Variants in ABCC4 observed in about 807,000 individuals in gnomAD.
The protein encoded by ABCC4 is ATP-binding cassette sub-family C member 4.
Under a neutral mutation model 168.5 loss-of-function variants are expected in ABCC4, and 102 were observed. The observed-to-expected ratio is 0.61, with a 90% CI of 0.52 to 0.71. The LOEUF is 0.71. ABCC4 is among the 30% of genes least tolerant of loss of function. ABCC4 has a pLI of 0.00. For missense variants in ABCC4, 1,402 were observed against 1,605.8 expected (o/e 0.87, Z 2.17); for synonymous variants, 617 against 590.7 (o/e 1.04, Z -0.65).
intron 26 of ABCC4, among the ~76,000 whole-genome samples, chr13:95,056,493 G>C (rs2033060843): frequency 6.6e-6 from 1 of 152,104 alleles, no homozygotes; most frequent in Non-Finnish European, 1.5e-5. Context: ...ATACAAAAAG[G>C]TCACCAGCTC....
chr13:95,263,081 T>C (rs1204298941), intron 1 of ABCC4, among the ~76,000 whole-genome samples: 1 of 152,190 alleles, frequency 6.6e-6, no homozygotes, highest in African/African-American at 2.4e-5. Context: ...TCAAGTGCAG[T>C]CTAGTGCATC....
intron 30 of ABCC4, among the ~76,000 whole-genome samples, chr13:95,025,307 A>AC (rs1325865446): frequency 3.9e-4 from 3 of 7,626 alleles, no homozygotes; most frequent in African/African-American, 7.4e-4. Context: ...ACATACGCCC[A>AC]CCCCCCACAC....
intron 19 of ABCC4, among the ~76,000 whole-genome samples, chr13:95,127,523 C>A (rs908372975): frequency 6.6e-6 from 1 of 152,158 alleles, no homozygotes; most frequent in Non-Finnish European, 1.5e-5. Context: ...AGTGATCCAC[C>A]CGCTTTGGCC....
chr13:95,192,924 CAAAT>C (rs1370483764), intron 9 of ABCC4, among the ~76,000 whole-genome samples: 1 of 151,992 alleles, frequency 6.6e-6, no homozygotes, highest in African/African-American at 2.4e-5. Context: ...GTCTCCAAAA[CAAAT>C]AAATAAATAA....
At chr13:95,243,821 G>C (rs566557843) in intron 3 of ABCC4, among the ~76,000 whole-genome samples, 1 of 151,936 alleles carries the variant, frequency 6.6e-6, no homozygotes, top group South Asian at 2.1e-4. Context: ...GGGAGATGGA[G>C]GTTGCAGTGA....
chr13:95,292,389 T>C (rs2041424832), intron 1 of ABCC4, among the ~76,000 whole-genome samples: 1 of 152,020 alleles, frequency 6.6e-6, no homozygotes, highest in Non-Finnish European at 1.5e-5. Context: ...AATGTGGCCA[T>C]GATAGCTGTC....
At chr13:95,054,136 C>A (rs1056592176) in intron 26 of ABCC4, among the ~76,000 whole-genome samples, 1 of 144,408 alleles carries the variant, frequency 6.9e-6, no homozygotes, top group Non-Finnish European at 1.5e-5. Flanking sequence ...GATTTTGCAT[C>A]AGTGAATCCC....
At chr13:95,144,353 G>A (rs1244217750) in intron 19 of ABCC4, among the ~76,000 whole-genome samples, 1 of 152,000 alleles carries the variant, frequency 6.6e-6, no homozygotes, top group Non-Finnish European at 1.5e-5. Context: ...GTAAGACAAG[G>A]AGGCCTACTC....
At chr13:95,209,696 C>T in intron 5 of ABCC4, 99 bp from the exon 6 acceptor site, 1 of 1,207,410 alleles carries the variant, frequency 8.3e-7, no homozygotes, top group East Asian at 2.6e-5. Context: ...CAGGCAAGAT[C>T]CTAAACAGAA....
intron 1 of ABCC4, chr13:95,266,166 T>A (rs1445951075): frequency 1.3e-5 from 2 of 152,182 alleles, no homozygotes; most frequent in Non-Finnish European, 2.9e-5. Flanking sequence ...GCACATGGAA[T>A]TAAACTGAGG....
chr13:95,265,684 A>G lies in ABCC4; in HGVS notation c.75-17931T>C, dbSNP rs116972375. ...AGGAGAGCATGCACCCAGACACAGAACTCAGAGGACACAGTTCAAAACACA... is the reference window on the plus strand; with the variant it reads ...AGGAGAGCATGCACCCAGACACAGAGCTCAGAGGACACAGTTCAAAACACA... On this transcript the variant is annotated intron_variant, in intron 1 of 30. Transcript: ENST00000645237. Among the ~76,000 whole-genome samples the G allele has an allele frequency of 5.4e-3, 826 of 152,150 alleles. 29 individuals are homozygous for G. The East Asian group carries it at 0.087, about 16-fold the overall frequency.
intron 19 of ABCC4, among the ~76,000 whole-genome samples, chr13:95,155,174 C>A (rs2036814656): frequency 1.3e-5 from 2 of 152,090 alleles, no homozygotes; most frequent in Non-Finnish European, 2.9e-5. Flanking sequence ...GGATGCACAT[C>A]CTAACTTCCC....
chr13:95,099,344 A>G (rs2034717385), intron 20 of ABCC4, among the ~76,000 whole-genome samples: 2 of 152,178 alleles, frequency 1.3e-5, no homozygotes, highest in East Asian at 3.8e-4. Context: ...TAGAGGTGTG[A>G]AAATTGACTG....
At chr13:95,240,346 A>T (rs2039901308) in intron 3 of ABCC4, among the ~76,000 whole-genome samples, 1 of 152,206 alleles carries the variant, frequency 6.6e-6, no homozygotes, top group Admixed American at 6.5e-5. Context: ...AGCCTGGCCA[A>T]CATGGTGAAA....
intron 4 of ABCC4, among the ~76,000 whole-genome samples, chr13:95,213,013 G>A (rs2039006418): frequency 6.6e-6 from 1 of 152,028 alleles, no homozygotes; most frequent in African/African-American, 2.4e-5. Flanking sequence ...TGTAATCCCA[G>A]CTACTCAGGA....
chr13:95,233,665 T>C (rs948796744), intron 4 of ABCC4, among the ~76,000 whole-genome samples: 7 of 152,114 alleles, frequency 4.6e-5, no homozygotes, highest in African/African-American at 1.7e-4. Context: ...GATGAAATTA[T>C]TTAAAATAAA....
In ABCC4 at chr13:95,207,801, T is replaced by G; in HGVS notation, c.910A>C (p.Lys304Gln). Residue 304 changes from lysine to glutamine, a missense_variant and splice_region_variant, in exon 7 of 31, where the codon AAG (lysine) becomes CAG (glutamine). Physicochemically the swap from Lys to Gln is moderately conservative, Grantham distance 53. Coordinates refer to ENST00000645237, the MANE Select transcript of ABCC4 (RefSeq NM_005845.5). Reference sequence around the variant, plus strand: ...GGTACAATGTATACAAAAACTTACTTTCTCAAATTGGTAATAAGATTTGAA... The same window carrying G: ...GGTACAATGTATACAAAAACTTACTGTCTCAAATTGGTAATAAGATTTGAA... ...SFSNLITNLR[K>Q]KEISKILRSS... 1 of 1,610,826 alleles carries G rather than the reference T, an allele frequency of 6.2e-7. No homozygotes were observed. Among genetic ancestry groups the G allele is most frequent in the Non-Finnish European group, 8.5e-7 (1 of 1,178,710 alleles).
At chr13:95,039,651 A>T (rs1300665538) in intron 29 of ABCC4, among the ~76,000 whole-genome samples, 2 of 152,230 alleles carry the variant, frequency 1.3e-5, no homozygotes, top group Non-Finnish European at 2.9e-5. Flanking sequence ...TGCATTAGTC[A>T]GTTACTCAGT....
At chr13:95,134,130 C>G (rs2036064300) in intron 19 of ABCC4, among the ~76,000 whole-genome samples, 1 of 152,094 alleles carries the variant, frequency 6.6e-6, no homozygotes, top group South Asian at 2.1e-4. Context: ...GAATAATGGT[C>G]ATTCAGAGGC....
Sources: gnomAD v4.1 joint callset for allele counts (sites outside exome capture counted in the v4.1 genomes callset) on GRCh38, gnomAD v4.1.1 for gene constraint, MANE v1.5 for transcripts, NCBI Gene and HGNC (gene_info 2026-07-23, HGNC 2026-07-21) for gene names.